The following KANSL1 variants were observed in gnomAD, a reference collection of about 807,000 sequenced individuals.
The protein encoded by KANSL1 is KAT8 regulatory NSL complex subunit 1.
A neutral mutation model predicts 103.6 loss-of-function variants in KANSL1; 22 were observed. The ratio of observed to expected loss-of-function variants is 0.21; its 90% CI spans 0.15 to 0.30. The LOEUF (loss-of-function observed/expected upper bound fraction) is 0.30, where lower values mean the gene tolerates loss of function less well. KANSL1 is among the 10% of genes least tolerant of loss of function. The pLI is 1.00. For synonymous variants in KANSL1, 600 were observed against 527.6 expected, an observed-to-expected ratio of 1.14 and a Z score of -1.88; for missense variants, 1,337 against 1,399.8, an observed-to-expected ratio of 0.96 and a Z score of 0.72.
intron 2 of KANSL1, among the ~76,000 whole-genome samples, chr17:46,115,321 T>C (rs928319045): frequency 6.6e-6 from 1 of 152,122 alleles, no homozygotes; most frequent in African/African-American, 2.4e-5. Context: ...CAGCCTCCCA[T>C]AGTACTGGGA....
intron 6 of KANSL1, among the ~76,000 whole-genome samples, chr17:46,052,524 G>C (rs2077745315): frequency 6.6e-6 from 1 of 151,926 alleles, no homozygotes; most frequent in Non-Finnish European, 1.5e-5. Flanking sequence ...AGAATCGCTT[G>C]AATCTGGGAG....
intron 3 of KANSL1, chr17:46,093,039 G>C (rs917156865): frequency 1.3e-5 from 2 of 152,142 alleles, no homozygotes; most frequent in African/African-American, 4.8e-5. Flanking sequence ...TATATAAAAA[G>C]ATGAAGCAGC....
intron 1 of KANSL1, among the ~76,000 whole-genome samples, chr17:46,185,881 G>A (rs1008062556): frequency 6.6e-6 from 1 of 152,102 alleles, no homozygotes; most frequent in Admixed American, 6.5e-5. Flanking sequence ...TCTGAAGGAT[G>A]TCTATATATC....
chr17:46,064,396 T>G (rs1347036688), intron 6 of KANSL1, among the ~76,000 whole-genome samples: 1 of 152,246 alleles, frequency 6.6e-6, no homozygotes, highest in Non-Finnish European at 1.5e-5. Context: ...TCCCATTCTC[T>G]GCTCTCTTTT....
rs1567680988 is a variant in KANSL1, at chr17:46,105,949, C to CACACACACACA, written c.1290-11249_1290-11248insTGTGTGTGTGT. Among the ~76,000 whole-genome samples the CACACACACACA allele has an allele frequency of 6.9e-3, 338 of 49,254 alleles. 4 individuals are homozygous for CACACACACACA. Among genetic ancestry groups the CACACACACACA allele is most frequent in the African/African-American group, 0.019 (288 of 15,522 alleles). The allele number at this position is 49,254 out of a possible 152,430, so 32.3% of individuals were successfully genotyped here. On this transcript the variant is annotated intron_variant, in intron 2 of 14. Coordinates refer to ENST00000432791, the MANE Select transcript of KANSL1 (RefSeq NM_015443.4). ...CACACACACACACACACACACACACCCCCCCAGAAGGGTGAAGGAGCAGAA... is the reference window on the plus strand; with the variant it reads ...CACACACACACACACACACACACACCACACACACACACCCCCAGAAGGGTGAAGGAGCAGAA...
At chr17:46,115,591 T>C (rs17661015) in intron 2 of KANSL1, among the ~76,000 whole-genome samples, 21,659 of 151,838 alleles carry the variant, frequency 0.14, 2,115 homozygotes, top group Non-Finnish European at 0.22. Context: ...GGGTTTTCAG[T>C]GAACTATATG....
chr17:46,155,820 C>A (rs1444901671), intron 2 of KANSL1, among the ~76,000 whole-genome samples: 1 of 152,100 alleles, frequency 6.6e-6, no homozygotes, highest in Non-Finnish European at 1.5e-5. Flanking sequence ...ATAATACCAA[C>A]ACTTTGGGAG....
At position 46,171,895 on chromosome 17, in the gene KANSL1, G is replaced by A. The variant is rs768816086; in HGVS notation, c.249C>T (p.Leu83=). 2.5e-6 allele frequency: 4 copies of A among 1,614,168 alleles called. No homozygotes were observed. In the Admixed American group the frequency reaches 6.7e-5, roughly 27 times the overall value. The part of the protein sequence containing the change: ...GKLQPLVASY[L]CSDVTSVPSK... ...AGGGAACAGATGTTACATCAGAGCA[G>A]AGATAAGATGCCACCAGTGGTTGCA... Residue 83 remains leucine, a synonymous_variant, in exon 2 of 15, where the codon CTC becomes CTT. Transcript: ENST00000432791.
intron 2 of KANSL1, among the ~76,000 whole-genome samples, chr17:46,107,062 T>A (rs111295615): frequency 6.6e-6 from 1 of 152,112 alleles, no homozygotes; most frequent in African/African-American, 2.4e-5. Context: ...ATAAACACTA[T>A]CCAACCGAAA....
At chr17:46,207,336 C>G (rs1214160420) in intron 1 of KANSL1, among the ~76,000 whole-genome samples, 3 of 151,826 alleles carry the variant, frequency 2.0e-5, no homozygotes, top group Non-Finnish European at 4.4e-5. Context: ...ATGGTGAAAC[C>G]CCATCTCTAC....
At chr17:46,167,016 GAAAAA>G (rs1198229254) in intron 2 of KANSL1, among the ~76,000 whole-genome samples, 1 of 88,994 alleles carries the variant, frequency 1.1e-5, no homozygotes, top group Non-Finnish European at 2.4e-5. Context: ...AGAAAAAAAA[GAAAAA>G]AAAAATTTCG....
In KANSL1 at chr17:46,111,305, G is replaced by A. The variant is rs115616756; in HGVS notation, c.1290-16604C>T. The stretch of plus-strand genomic sequence containing the variant: ...GGCTTACTGCAACCTCCGCCTCCCG[G>A]GCAAGCCATTCTCCTGCCTCAGCCT... On this transcript the variant is annotated intron_variant, in intron 2 of 14. Transcript: ENST00000432791. Among the ~76,000 whole-genome samples the A allele has an allele frequency of 2.6e-3, 382 of 146,836 alleles. 3 individuals carry two copies. The highest frequency in any genetic ancestry group is 8.9e-3 in the African/African-American group (366 of 41,274).
At chr17:46,149,777 G>C (rs528072133) in intron 2 of KANSL1, among the ~76,000 whole-genome samples, 21 of 152,084 alleles carry the variant, frequency 1.4e-4, no homozygotes, top group Non-Finnish European at 2.8e-4. Context: ...GGAGGCCATG[G>C]CGGGTGGATC....
At chr17:46,128,734 C>CA (rs1305227178) in intron 2 of KANSL1, among the ~76,000 whole-genome samples, 2 of 152,124 alleles carry the variant, frequency 1.3e-5, no homozygotes, top group Non-Finnish European at 2.9e-5. Context: ...CACAGAGAGC[C>CA]AAAAGAGAGG....
chr17:46,219,807 A>G (rs1203379096), intron 1 of KANSL1, among the ~76,000 whole-genome samples: 1 of 152,254 alleles, frequency 6.6e-6, no homozygotes, highest in African/African-American at 2.4e-5. Flanking sequence ...ACCACTGTTC[A>G]AGAACTATTC....
At chr17:46,048,384 A>G (rs376816970) in intron 7 of KANSL1, among the ~76,000 whole-genome samples, 4 of 151,846 alleles carry the variant, frequency 2.6e-5, no homozygotes, top group Non-Finnish European at 2.9e-5. Context: ...CCTGGCCAAC[A>G]TGGTAAAACC....
chr17:46,193,905 A>G (rs2047504871), upstream of KANSL1: 1 of 156,122 alleles, frequency 6.4e-6, no homozygotes, highest in African/African-American at 2.4e-5. Flanking sequence ...TCGGCACCAC[A>G]CTATTCCAAG....
rs56065215 is a variant in KANSL1, at chr17:46,059,647, A to AAGAGAGAGAGAGAGAG, written c.1848+6874_1848+6889dup. The stretch of plus-strand genomic sequence containing the variant: ...TGACTCCAAAAAAAAAAAAAAAAAA[A>AAGAGAGAGAGAGAGAG]AGAGAGAGAGAGAGAGAGAAAAGGA... On this transcript the variant is annotated intron_variant, in intron 6 of 14. Transcript: ENST00000432791. Among the ~76,000 whole-genome samples, 152 of 54,846 alleles carry AAGAGAGAGAGAGAGAG rather than the reference A, an allele frequency of 2.8e-3. 1 individual carries two copies. The highest frequency in any genetic ancestry group is 5.1e-3 in the African/African-American group (76 of 14,856). 36.0% of individuals were successfully genotyped at this position (54,846 alleles called of 152,430 possible). A position where few individuals can be genotyped will look rare whatever the true frequency, so the allele number is the denominator to read the frequency against.
intron 2 of KANSL1, among the ~76,000 whole-genome samples, chr17:46,164,901 C>T (rs1304892516): frequency 6.6e-6 from 1 of 152,182 alleles, no homozygotes; most frequent in African/African-American, 2.4e-5. Context: ...ACTTGGGTAT[C>T]CTGGCTGATG....
Sources: gnomAD v4.1 joint callset for allele counts (sites outside exome capture counted in the v4.1 genomes callset) on GRCh38, gnomAD v4.1.1 for gene constraint, MANE v1.5 for transcripts, NCBI Gene and HGNC (gene_info 2026-07-23, HGNC 2026-07-21) for gene names.